ZHX2: variants seen among roughly 807,000 people sequenced by gnomAD.
ZHX2 encodes the protein zinc fingers and homeoboxes 2.
A neutral mutation model predicts 21.9 loss-of-function variants in ZHX2; 6 were observed. That is an observed-to-expected ratio of 0.27 (90% confidence interval 0.15 to 0.54). ZHX2 has a LOEUF of 0.54. Among genes scored for constraint, ZHX2 ranks in the 20% least tolerant of loss-of-function variants. The pLI is 0.95. For missense variants in ZHX2, 908 were observed against 1,090.7 expected (o/e 0.83, Z 2.36); for synonymous variants, 434 against 437.1 (o/e 0.99, Z 0.09).
intron 2 of ZHX2, among the ~76,000 whole-genome samples, chr8:122,944,712 C>T (rs941360214): frequency 6.6e-6 from 1 of 152,174 alleles, no homozygotes. Context: ...CAGTGTTTGT[C>T]GACTGCAGGA....
chr8:122,818,718 G>A (rs142288873), intron 1 of ZHX2, among the ~76,000 whole-genome samples: 3 of 152,328 alleles, frequency 2.0e-5, no homozygotes, highest in African/African-American at 7.2e-5. Flanking sequence ...ATTTGTTTTT[G>A]TTTTAATGCC....
chr8:122,907,500 G>A (rs966642029), intron 2 of ZHX2, among the ~76,000 whole-genome samples: 9 of 152,174 alleles, frequency 5.9e-5, no homozygotes, highest in African/African-American at 2.2e-4. Flanking sequence ...AATAGAATGG[G>A]AGGCAGGTTT....
At chr8:122,854,500 C>T (rs550303450) in intron 1 of ZHX2, among the ~76,000 whole-genome samples, 9 of 152,268 alleles carry the variant, frequency 5.9e-5, no homozygotes, top group Admixed American at 3.3e-4. Context: ...CTCCACCTTG[C>T]TCCCATGTCC....
In ZHX2 at chr8:122,960,938, C is replaced by G. The variant is rs73713550; in HGVS notation, c.*4+6910C>G. Among the ~76,000 whole-genome samples the G allele has an allele frequency of 7.4e-3, 1,129 of 152,304 alleles. 12 individuals are homozygous for G. Among genetic ancestry groups the G allele is most frequent in the African/African-American group, 0.026 (1,078 of 41,572 alleles). ...TCCTGGGCATTCAGACCCATCTGCC[C>G]TAGTGGAAAATGGAGGCTGGATGGT... On this transcript the variant is annotated intron_variant, in intron 3 of 3. Transcript: ENST00000314393.
intron 1 of ZHX2, among the ~76,000 whole-genome samples, chr8:122,832,801 A>G (rs1465946326): frequency 6.6e-6 from 1 of 152,136 alleles, no homozygotes; most frequent in Non-Finnish European, 1.5e-5. Context: ...CTAGGCCTAG[A>G]TAGGTGACCG....
chr8:122,919,350 C>T (rs1046274814), intron 2 of ZHX2, among the ~76,000 whole-genome samples: 4 of 152,228 alleles, frequency 2.6e-5, no homozygotes, highest in African/African-American at 4.8e-5. Context: ...TTGATTGCAA[C>T]GTCTGGGGAA....
intron 2 of ZHX2, among the ~76,000 whole-genome samples, chr8:122,902,942 T>C (rs1442675220): frequency 1.3e-5 from 2 of 152,146 alleles, no homozygotes; most frequent in African/African-American, 2.4e-5. Flanking sequence ...TCCCAAGGCC[T>C]CCTGGGTGAG....
chr8:122,912,350 G>A (rs1198091692), intron 2 of ZHX2, among the ~76,000 whole-genome samples: 1 of 152,160 alleles, frequency 6.6e-6, no homozygotes, highest in Non-Finnish European at 1.5e-5. Flanking sequence ...TGGGTGCTCT[G>A]GGCAGCACGA....
At chr8:122,784,933 C>T (rs527511870) in intron 1 of ZHX2, among the ~76,000 whole-genome samples, 1 of 152,172 alleles carries the variant, frequency 6.6e-6, no homozygotes, top group Non-Finnish European at 1.5e-5. Flanking sequence ...GGAGACAGAG[C>T]CCCCCTGGCA....
At chr8:122,835,451 G>A (rs1363335374) in intron 1 of ZHX2, among the ~76,000 whole-genome samples, 1 of 152,200 alleles carries the variant, frequency 6.6e-6, no homozygotes, top group African/African-American at 2.4e-5. Context: ...GGAGAGGGCG[G>A]TGGGGGAGGA....
chr8:122,811,298 G>A lies in ZHX2; in HGVS notation c.-283+29352G>A, dbSNP rs534103855. Among the ~76,000 whole-genome samples the A allele has an allele frequency of 6.6e-5, 10 of 152,198 alleles. No homozygotes were observed. In the East Asian group the frequency reaches 1.2e-3, roughly 18 times the overall value. On this transcript the variant is annotated intron_variant, in intron 1 of 3. Coordinates refer to ENST00000314393, the MANE Select transcript of ZHX2 (RefSeq NM_014943.5). ...AGGGAGGCTGAGGTGGGAAAATTGC[G>A]TGAGCCCAGGAGGTCGAGGCTGCAG...
chr8:122,942,652 C>T (rs1413334363), intron 2 of ZHX2, among the ~76,000 whole-genome samples: 4 of 152,142 alleles, frequency 2.6e-5, no homozygotes, highest in Non-Finnish European at 4.4e-5. Context: ...CTCCTCACCT[C>T]CCCCAGATGC....
intron 1 of ZHX2, among the ~76,000 whole-genome samples, chr8:122,851,519 C>T: frequency 6.6e-6 from 1 of 152,198 alleles, no homozygotes; most frequent in South Asian, 2.1e-4. Flanking sequence ...TTCTTCAAAA[C>T]ATTTAGTGCA....
At chr8:122,821,224 C>T (rs1037581741) in intron 1 of ZHX2, among the ~76,000 whole-genome samples, 4 of 152,208 alleles carry the variant, frequency 2.6e-5, no homozygotes, top group Non-Finnish European at 5.9e-5. Context: ...TGGGAACCAG[C>T]TGCCAGGCTT....
intron 2 of ZHX2, among the ~76,000 whole-genome samples, chr8:122,949,007 A>T (rs1403103271): frequency 6.6e-6 from 1 of 152,174 alleles, no homozygotes; most frequent in East Asian, 1.9e-4. Context: ...AACGTTAAAA[A>T]ATATATAATA....
intron 1 of ZHX2, among the ~76,000 whole-genome samples, chr8:122,795,414 G>A (rs550278199): frequency 4.6e-5 from 7 of 152,352 alleles, no homozygotes; most frequent in African/African-American, 1.4e-4. Context: ...GGCGCAAGCT[G>A]GGTCCACTTC....
intron 3 of ZHX2, among the ~76,000 whole-genome samples, chr8:122,963,654 A>G (rs1432585310): frequency 2.6e-5 from 4 of 151,912 alleles, no homozygotes; most frequent in African/African-American, 9.7e-5. Flanking sequence ...TTCTAGTTCT[A>G]TGAAGAATGA....
rs762539355 is a variant in ZHX2 at position 122,949,185 on chromosome 8, G to A, written c.-219-2107G>A. 1.6e-4 allele frequency among the ~76,000 whole-genome samples: 25 copies of A among 152,242 alleles called. 1 individual carries two copies. The highest frequency in any genetic ancestry group is 4.8e-4 in the African/African-American group (20 of 41,558). On this transcript the variant is annotated intron_variant, in intron 2 of 3. Transcript: ENST00000314393. ...ACTAAAAATACAAAATTAGCCTGGC[G>A]TGGTGGCGCATGCCTGTAATCCAAC...
intron 2 of ZHX2, among the ~76,000 whole-genome samples, chr8:122,892,715 C>CAAAAAATTTT (rs1261874974): frequency 6.6e-6 from 1 of 152,078 alleles, no homozygotes; most frequent in African/African-American, 2.4e-5. Flanking sequence ...GACAGAGTCT[C>CAAAAAATTTT]GCACTGTCGC....
Sources: gnomAD v4.1 joint callset for allele counts (sites outside exome capture counted in the v4.1 genomes callset) on GRCh38, gnomAD v4.1.1 for gene constraint, MANE v1.5 for transcripts, NCBI Gene and HGNC (gene_info 2026-07-23, HGNC 2026-07-21) for gene names.